The following NAV3 variants were observed in gnomAD, a reference collection of about 807,000 sequenced individuals.
NAV3 encodes the protein neuron navigator 3, also known as pore membrane and/or filament interacting like protein 1.
Under a neutral mutation model 244.7 loss-of-function variants are expected in NAV3, and 87 were observed. That is an observed-to-expected ratio of 0.36 (90% CI 0.30 to 0.42). NAV3 has a LOEUF of 0.42. NAV3 is among the 20% of genes least tolerant of loss of function. The pLI is 1.00. For missense variants in NAV3, 2,663 were observed against 2,893.3 expected (o/e 0.92, Z 1.83); for synonymous variants, 1,126 against 1,042.2 (o/e 1.08, Z -1.55).
In NAV3 at chr12:78,210,607, G is replaced by A. The variant is rs1297983415; in HGVS notation, c.*90G>A. ...TCACTAAACCACTGCCAGTATAAAA[G>A]CACCCTGTCAAGGGCCCTGACCCAG... On this transcript the variant is annotated 3_prime_UTR_variant, in exon 40 of 40. Transcript: ENST00000397909. 5.4e-6 allele frequency: 8 copies of A among 1,480,980 alleles called. No individual in the cohort carries two copies. Among genetic ancestry groups the A allele is most frequent in the South Asian group, 2.7e-5 (2 of 75,134 alleles). The allele number at this position is 1,480,980 out of a possible 1,614,324, so 91.7% of individuals were successfully genotyped here.
intron 5 of NAV3, among the ~76,000 whole-genome samples, chr12:77,979,707 A>T (rs941103042): frequency 6.1e-5 from 8 of 130,152 alleles, no homozygotes; most frequent in African/African-American, 2.6e-4. Context: ...ACGAAAAAAA[A>T]AAAAGAAAAA....
chr12:77,603,802 A>G (rs921566859), intron 2 of NAV3, among the ~76,000 whole-genome samples: 6 of 151,974 alleles, frequency 3.9e-5, no homozygotes, highest in Non-Finnish European at 5.9e-5. Context: ...CTTCCTTTAA[A>G]TATGCTTATA....
Position 78,051,077 on chromosome 12 carries a change from G to A in NAV3, c.2446G>A (p.Asp816Asn), listed in dbSNP as rs778435394. 9 of 1,614,140 alleles carry A rather than the reference G, an allele frequency of 5.6e-6. No homozygotes were observed. The highest frequency in any genetic ancestry group is 2.2e-5 in the East Asian group (1 of 44,872). ...SSDLDMSSEV[D>N]VGGYMSDGDI... is the part of the protein sequence containing the mutation. ...TGACCTGGACATGTCTTCTGAGGTC[G>A]ATGTGGGTGGATATATGAGTGATGG... Residue 816 changes from aspartate to asparagine, a missense_variant, in exon 11 of 40, where the codon GAT becomes AAT. By Grantham distance (23) the Asp-to-Asn change is conservative. Around this residue, in one of 6 missense-constraint regions of NAV3, gnomAD observed 1,521 missense variants for 1,497.0 expected, o/e 1.02. Transcript: ENST00000397909.
At chr12:78,001,999 G>A (rs956864091) in intron 7 of NAV3, among the ~76,000 whole-genome samples, 3 of 152,132 alleles carry the variant, frequency 2.0e-5, no homozygotes, top group Admixed American at 6.5e-5. Flanking sequence ...TATATGTTCC[G>A]AAGTAAACCA....
At chr12:78,193,298 C>A (rs1959062141) in intron 34 of NAV3, among the ~76,000 whole-genome samples, 1 of 152,186 alleles carries the variant, frequency 6.6e-6, no homozygotes, top group Admixed American at 6.6e-5. Flanking sequence ...TACACATAAA[C>A]AATTACACTT....
intron 1 of NAV3, among the ~76,000 whole-genome samples, chr12:77,898,330 TGTA>T (rs1884869584): frequency 6.6e-6 from 1 of 152,162 alleles, no homozygotes; most frequent in Non-Finnish European, 1.5e-5. Flanking sequence ...TTGGCAAAAA[TGTA>T]GTATATAATA....
At chr12:77,669,246 C>T (rs1366057866) in intron 2 of NAV3, among the ~76,000 whole-genome samples, 1 of 152,058 alleles carries the variant, frequency 6.6e-6, no homozygotes, top group Non-Finnish European at 1.5e-5. Flanking sequence ...AATCGGACCT[C>T]CTTAAAGCAT....
Position 78,021,766 on chromosome 12 carries a change from G to GGTAC in NAV3, c.1928_1931dup (p.Ala645TyrfsTer7), listed in dbSNP as rs1296519129. The stretch of plus-strand genomic sequence containing the variant: ...TTTCAGGGCACATTCAGAAAATGAA[G>GGTAC]GTACCGCTTTACCATCGGCTGACTC... On this transcript the variant is annotated frameshift_variant, in exon 9 of 40. Coordinates refer to ENST00000397909, the MANE Select transcript of NAV3 (RefSeq NM_001024383.2). LOFTEE classifies it high-confidence loss of function. The GGTAC allele has an allele frequency of 6.2e-7, 1 of 1,607,282 alleles. No homozygotes were observed. Among genetic ancestry groups the GGTAC allele is most frequent in the Non-Finnish European group, 8.5e-7 (1 of 1,175,946 alleles).
At chr12:77,983,770 A>G (rs1217866917) in intron 5 of NAV3, among the ~76,000 whole-genome samples, 1 of 152,186 alleles carries the variant, frequency 6.6e-6, no homozygotes, top group Non-Finnish European at 1.5e-5. Context: ...TTTGTTTTGC[A>G]ATGTACTGAG....
chr12:77,989,688 T>C (rs533505408), intron 5 of NAV3, among the ~76,000 whole-genome samples: 1 of 152,270 alleles, frequency 6.6e-6, no homozygotes, highest in African/African-American at 2.4e-5. Flanking sequence ...GGTTAATTGG[T>C]GAAATAACAT....
chr12:78,100,841 T>C (rs1455499008), intron 12 of NAV3, among the ~76,000 whole-genome samples: 1 of 152,148 alleles, frequency 6.6e-6, no homozygotes, highest in African/African-American at 2.4e-5. Flanking sequence ...ACAATAAATG[T>C]GAAATACCCT....
intron 1 of NAV3, among the ~76,000 whole-genome samples, chr12:77,867,725 TA>T (rs1880302593): frequency 1.3e-5 from 2 of 152,088 alleles, no homozygotes; most frequent in South Asian, 4.1e-4. Flanking sequence ...TGGCCTCAGG[TA>T]TGTCTTTATC....
intron 8 of NAV3, among the ~76,000 whole-genome samples, chr12:78,020,402 T>C (rs1431794488): frequency 2.0e-5 from 3 of 152,214 alleles, no homozygotes; most frequent in Non-Finnish European, 4.4e-5. Context: ...ATTTAAATAG[T>C]ACATTTTCTT....
At chr12:78,175,154 T>C in intron 24 of NAV3, 152 bp from the exon 25 acceptor site, 3 of 704,408 alleles carry the variant, frequency 4.3e-6, no homozygotes, top group Non-Finnish European at 6.6e-6. Flanking sequence ...TTGTACTTTA[T>C]TAAACTTCTA....
At chr12:77,754,659 C>A (rs1172923855) in intron 2 of NAV3, among the ~76,000 whole-genome samples, 1 of 152,194 alleles carries the variant, frequency 6.6e-6, no homozygotes, top group East Asian at 1.9e-4. Context: ...GAAAGAATGG[C>A]AGCCCCATTG....
chr12:77,994,131 T>A (rs1871917939), intron 5 of NAV3, among the ~76,000 whole-genome samples: 1 of 152,264 alleles, frequency 6.6e-6, no homozygotes, highest in South Asian at 2.1e-4. Flanking sequence ...GAAATGTAAT[T>A]CAAGAATGCC....
At chr12:77,823,588 G>T (rs1047429484) in intron 2 of NAV3, among the ~76,000 whole-genome samples, 1 of 152,204 alleles carries the variant, frequency 6.6e-6, no homozygotes, top group African/African-American at 2.4e-5. Context: ...TAGGCAATCA[G>T]ATCTGTACCT....
intron 2 of NAV3, among the ~76,000 whole-genome samples, chr12:77,757,039 A>G (rs144156136): frequency 6.6e-6 from 1 of 152,254 alleles, no homozygotes; most frequent in African/African-American, 2.4e-5. Context: ...AACAGTAACA[A>G]CCCCATCAAA....
At chr12:77,835,234 G>T (rs1192025091) in intron 1 of NAV3, among the ~76,000 whole-genome samples, 1 of 152,110 alleles carries the variant, frequency 6.6e-6, no homozygotes, top group Non-Finnish European at 1.5e-5. Flanking sequence ...TAGTTCCAAG[G>T]CCTTACCTTG....
Sources: allele counts gnomAD v4.1 joint callset (sites outside exome capture counted in the v4.1 genomes callset), GRCh38; gene constraint gnomAD v4.1.1; regional missense constraint gnomAD v4.1.1; transcripts MANE v1.5; gene names NCBI Gene and HGNC (gene_info 2026-07-23, HGNC 2026-07-21).